Variants in GNB1L observed in about 807,000 individuals in gnomAD.
The protein encoded by GNB1L is guanine nucleotide-binding protein subunit beta-like protein 1.
In GNB1L, 20 loss-of-function variants were observed where a neutral mutation model predicts 29.1. The observed-to-expected ratio is 0.69, with a 90% confidence interval of 0.48 to 1.00. The LOEUF is 1.00. Among genes scored for constraint, GNB1L ranks in the 50% least tolerant of loss-of-function variants. The pLI is 0.00. For synonymous variants in GNB1L, 193 were observed against 206.5 expected (o/e 0.93, Z 0.56); for missense variants, 421 against 464.9 (o/e 0.91, Z 0.87).
At chr22:19,849,372 G>T (rs762297903) in intron 2 of GNB1L, 15,182 of 665,186 alleles carry the variant, frequency 0.023, 126 homozygotes, top group Non-Finnish European at 0.025. Flanking sequence ...GTTTTTTGTT[G>T]TTTTTTTTTT....
At chr22:19,845,756 G>A (rs1415141895) in intron 2 of GNB1L, among the ~76,000 whole-genome samples, 1 of 151,888 alleles carries the variant, frequency 6.6e-6, no homozygotes, top group African/African-American at 2.4e-5. Context: ...AGGCTGTCCA[G>A]CGACAAGGCA....
At chr22:19,822,167 G>A (rs1937584879) in intron 2 of GNB1L, among the ~76,000 whole-genome samples, 1 of 152,192 alleles carries the variant, frequency 6.6e-6, no homozygotes, top group Non-Finnish European at 1.5e-5. Context: ...TCACTCTTGG[G>A]GAAACCGAGG....
At chr22:19,852,837 G>A (rs1453686102) in intron 2 of GNB1L, among the ~76,000 whole-genome samples, 3 of 152,140 alleles carry the variant, frequency 2.0e-5, no homozygotes, top group Non-Finnish European at 4.4e-5. Context: ...GCACACAGTG[G>A]TGAAGTAACT....
rs1311696839 is a variant in GNB1L, at chr22:19,783,774, C to T, written c.*4935G>A. 6.5e-6 allele frequency: 1 copy of T among 152,978 alleles called. No homozygotes were observed. Among genetic ancestry groups the T allele is most frequent in the Admixed American group, 6.5e-5 (1 of 15,350 alleles). The allele number at this position is 152,978 out of a possible 1,614,324, so 9.5% of individuals were successfully genotyped here. A position where few individuals can be genotyped will look rare whatever the true frequency, so the allele number is the denominator to read the frequency against. On this transcript the variant is annotated 3_prime_UTR_variant, in exon 8 of 8. Transcript: ENST00000329517. ...CTCATGGGCTGGGCTACCCGTCCCA[C>T]TCAGCAGTGGCTGCCTGGCCTCCCC...
In GNB1L at chr22:19,847,803, G is replaced by GGAAAAAAAA. The variant is rs1468350618; in HGVS notation, c.-21+6639_-21+6640insTTTTTTTTC. On this transcript the variant is annotated intron_variant, in intron 2 of 7. Coordinates refer to ENST00000329517, the MANE Select transcript of GNB1L (RefSeq NM_053004.3). ...AACTTTTAAAATCCTGGAATCATAGGCAAAAAAAAAAAAAAAAAAAAATTC... is the reference window on the plus strand; with the variant it reads ...AACTTTTAAAATCCTGGAATCATAGGGAAAAAAAACAAAAAAAAAAAAAAAAAAAAATTC... 6 of 440,432 alleles carry GGAAAAAAAA rather than the reference G, an allele frequency of 1.4e-5. No homozygotes were observed. In the African/African-American group the frequency reaches 2.6e-4, roughly 19 times the overall value. 27.3% of individuals were successfully genotyped at this position (440,432 alleles called of 1,614,324 possible). A position where few individuals can be genotyped will look rare whatever the true frequency, so the allele number is the denominator to read the frequency against.
At chr22:19,827,294 A>G (rs191285017) in intron 2 of GNB1L, among the ~76,000 whole-genome samples, 24 of 152,330 alleles carry the variant, frequency 1.6e-4, no homozygotes, top group Middle Eastern at 3.4e-3. Flanking sequence ...CTACCTATCT[A>G]TGTATGAATA....
At chr22:19,812,206 G>C in intron 5 of GNB1L, 79 bp downstream of exon 5, 3 of 1,453,494 alleles carry the variant, frequency 2.1e-6, no homozygotes, top group Non-Finnish European at 2.8e-6. Context: ...GTGGGTAGGC[G>C]CAGGCGCCTC....
chr22:19,796,089 AG>A (rs1937303128), intron 7 of GNB1L, among the ~76,000 whole-genome samples: 1 of 152,270 alleles, frequency 6.6e-6, no homozygotes, highest in African/African-American at 2.4e-5. Flanking sequence ...AAAGGGAAGT[AG>A]TGACCAAAAG....
chr22:19,788,295 C>T lies in GNB1L; in HGVS notation c.*414G>A. ...CCCAGGAAACCCACACTCGGGGTGG[C>T]CCATTCAACAGCAGGTGTGAGGGTG... On this transcript the variant is annotated 3_prime_UTR_variant, in exon 8 of 8. Transcript: ENST00000329517. The T allele has an allele frequency of 2.0e-6, 1 of 492,442 alleles. No individual in the cohort carries two copies. The highest frequency in any genetic ancestry group is 2.9e-5 in the South Asian group (1 of 34,126). The allele number at this position is 492,442 out of a possible 1,614,324, so 30.5% of individuals were successfully genotyped here.
At position 19,851,028 on chromosome 22, in the gene GNB1L, A is replaced by C; in HGVS notation, c.-21+3415T>G. The C allele has an allele frequency of 2.1e-6, 3 of 1,442,962 alleles. No homozygotes were observed. In the South Asian group the frequency reaches 4.5e-5, roughly 22 times the overall value. 89.4% of individuals were successfully genotyped at this position (1,442,962 alleles called of 1,614,324 possible). A position where few individuals can be genotyped will look rare whatever the true frequency, so the allele number is the denominator to read the frequency against. On this transcript the variant is annotated intron_variant, in intron 2 of 7. Coordinates refer to ENST00000329517, the MANE Select transcript of GNB1L (RefSeq NM_053004.3). The stretch of plus-strand genomic sequence containing the variant: ...CTGGTTCTGCTCAGCGCAGAGTCCA[A>C]AACAAGCGCATCTTGCCCAGCTATG...
chr22:19,797,709 C>T (rs756660), intron 7 of GNB1L, among the ~76,000 whole-genome samples: 152,296 of 152,296 alleles, frequency 1, 76,148 homozygotes, highest in Non-Finnish European at 1. Context: ...TCAGCCACCT[C>T]GCCGTCCTAC....
At chr22:19,793,154 A>C in intron 7 of GNB1L, 6 of 816,928 alleles carry the variant, frequency 7.3e-6, no homozygotes, top group Non-Finnish European at 1.1e-5. Flanking sequence ...ATTTTCCTTC[A>C]AAAAAAAAAT....
rs1225925743 is a variant in GNB1L at position 19,837,752 on chromosome 22, A to G, written c.-20-16377T>C. 2.0e-5 allele frequency among the ~76,000 whole-genome samples: 3 copies of G among 152,364 alleles called. No homozygotes were observed. The East Asian group carries it at 5.8e-4, about 29-fold the overall frequency. On this transcript the variant is annotated intron_variant, in intron 2 of 7. Transcript: ENST00000329517. ...TCAACAGCAGAAGAAACAGAGCTAT[A>G]TCCACACCTGGATATATCCATCCTT...
At chr22:19,813,973 CCT>C (rs975173983) in intron 4 of GNB1L, among the ~76,000 whole-genome samples, 10 of 151,916 alleles carry the variant, frequency 6.6e-5, no homozygotes, top group African/African-American at 2.4e-4. Flanking sequence ...TCCAGGAGAC[CCT>C]GTCTCAAAAA....
At chr22:19,846,760 G>T in intron 2 of GNB1L, 1 of 371,560 alleles carries the variant, frequency 2.7e-6, no homozygotes, top group Non-Finnish European at 3.7e-6. Context: ...GACACGGCAA[G>T]AAGATGGCTA....
chr22:19,827,745 C>T lies in GNB1L; in HGVS notation c.-20-6370G>A, dbSNP rs574263312. On this transcript the variant is annotated intron_variant, in intron 2 of 7. Coordinates refer to ENST00000329517, the MANE Select transcript of GNB1L (RefSeq NM_053004.3). Reference sequence around the variant, plus strand: ...GAACCTTCTACCATGCTAGAAGGAGCGCACACGGAAACGACCACTTTGGAA... The same window carrying T: ...GAACCTTCTACCATGCTAGAAGGAGTGCACACGGAAACGACCACTTTGGAA... 7.2e-5 allele frequency among the ~76,000 whole-genome samples: 11 copies of T among 152,254 alleles called. No homozygotes were observed. The East Asian group carries it at 1.5e-3, about 21-fold the overall frequency.
intron 2 of GNB1L, chr22:19,848,328 C>A: frequency 1.0e-6 from 1 of 985,494 alleles, no homozygotes; most frequent in South Asian, 4.7e-5. Flanking sequence ...CTCTGCAGCT[C>A]CTGAGCACCC....
chr22:19,816,139 C>T lies in GNB1L; in HGVS notation c.255-3692G>A. On this transcript the variant is annotated intron_variant, in intron 4 of 7. Coordinates refer to ENST00000329517, the MANE Select transcript of GNB1L (RefSeq NM_053004.3). The surrounding 1 kb of genome is among the most constrained non-coding windows in gnomAD (Gnocchi z 4.4). ...GGCTGCCTCTGCCCCCTGCATGGCC[C>T]CTTCTCTCTCCCTGTCTCTGCCTCT... is the stretch of plus-strand genomic sequence containing the variant. Among the ~76,000 whole-genome samples, 1 of 152,138 alleles carries T rather than the reference C, an allele frequency of 6.6e-6. No homozygotes were observed. Among genetic ancestry groups the T allele is most frequent in the East Asian group, 1.9e-4 (1 of 5,172 alleles).
chr22:19,826,160 C>T (rs1569049278), intron 2 of GNB1L, among the ~76,000 whole-genome samples: 1 of 152,116 alleles, frequency 6.6e-6, no homozygotes, highest in Non-Finnish European at 1.5e-5. Context: ...AAGCTTAGGG[C>T]CATCCTATGG....
Sources: gnomAD v4.1 joint callset for allele counts (sites outside exome capture counted in the v4.1 genomes callset) on GRCh38, gnomAD v4.1.1 for gene constraint, Gnocchi (gnomAD v3.1) non-coding constraint, MANE v1.5 for transcripts, NCBI Gene and HGNC (gene_info 2026-07-23, HGNC 2026-07-21) for gene names.